Variants in STPG2 observed in about 807,000 individuals in gnomAD.
STPG2 encodes the protein sperm-tail PG-rich repeat-containing protein 2.
In STPG2, 56 loss-of-function variants were observed where a neutral mutation model predicts 54.2. The ratio of observed to expected loss-of-function variants is 1.03; its 90% confidence interval spans 0.83 to 1.29. The LOEUF (loss-of-function observed/expected upper bound fraction) is 1.29, where lower values mean the gene tolerates loss of function less well. Among genes scored for constraint, STPG2 ranks in the 50% most tolerant of loss-of-function variants. STPG2 has a pLI of 0.00. For missense variants in STPG2, 596 were observed against 544.9 expected, an observed-to-expected ratio of 1.09 and a Z score of -0.93; for synonymous variants, 200 against 181.8, an observed-to-expected ratio of 1.10 and a Z score of -0.81.
intron 4 of STPG2, among the ~76,000 whole-genome samples, chr4:97,507,803 T>TC (rs1730884554): frequency 6.6e-6 from 1 of 151,978 alleles, no homozygotes; most frequent in Non-Finnish European, 1.5e-5. Flanking sequence ...TTCCATGCCT[T>TC]CCCCACAAAG....
At chr4:97,617,667 TAC>T (rs1363173940) in intron 10 of STPG2, among the ~76,000 whole-genome samples, 3 of 152,140 alleles carry the variant, frequency 2.0e-5, no homozygotes, top group Admixed American at 6.5e-5. Flanking sequence ...GCTAGTAAGA[TAC>T]ACAGACTATT....
At chr4:97,722,000 T>G (rs1724464103) in intron 9 of STPG2, among the ~76,000 whole-genome samples, 1 of 151,916 alleles carries the variant, frequency 6.6e-6, no homozygotes, top group Admixed American at 6.6e-5. Flanking sequence ...CTACAAAAAT[T>G]TTTTATTAAG....
At chr4:97,883,200 T>C (rs1483212647) in intron 8 of STPG2, among the ~76,000 whole-genome samples, 1 of 151,308 alleles carries the variant, frequency 6.6e-6, no homozygotes, top group Non-Finnish European at 1.5e-5. Context: ...TATATAAATA[T>C]ACATATACAC....
chr4:97,743,981 T>C (rs1025598386), intron 9 of STPG2, among the ~76,000 whole-genome samples: 1 of 151,346 alleles, frequency 6.6e-6, no homozygotes, highest in Non-Finnish European at 1.5e-5. Context: ...ACAGAGGGAA[T>C]GAAGAATAAA....
chr4:97,825,329 A>G (rs1393793639), intron 9 of STPG2, among the ~76,000 whole-genome samples: 1 of 152,200 alleles, frequency 6.6e-6, no homozygotes, highest in Non-Finnish European at 1.5e-5. Flanking sequence ...GTGTGTAATA[A>G]CTAGGTAGGA....
chr4:97,573,080 A>T (rs906255008), intron 10 of STPG2, among the ~76,000 whole-genome samples: 7 of 152,076 alleles, frequency 4.6e-5, no homozygotes, highest in Admixed American at 2.0e-4. Flanking sequence ...AATGCCTCAG[A>T]CATTTTCTGA....
At chr4:98,006,564 A>T (rs1190170964) in intron 5 of STPG2, among the ~76,000 whole-genome samples, 4 of 152,128 alleles carry the variant, frequency 2.6e-5, no homozygotes, top group Non-Finnish European at 4.4e-5. Context: ...CAGGCTGGAG[A>T]TTGGAGTGTT....
intron 10 of STPG2, among the ~76,000 whole-genome samples, chr4:97,634,394 A>G (rs1262110184): frequency 6.6e-6 from 1 of 152,194 alleles, no homozygotes; most frequent in African/African-American, 2.4e-5. Context: ...GATGGGGAAA[A>G]AACAGAACAG....
intron 5 of STPG2, among the ~76,000 whole-genome samples, chr4:98,021,920 T>G (rs1422175257): frequency 6.6e-6 from 1 of 152,042 alleles, no homozygotes; most frequent in Non-Finnish European, 1.5e-5. Flanking sequence ...TCTCTGCACC[T>G]GAGATGGGTT....
intron 10 of STPG2, among the ~76,000 whole-genome samples, chr4:97,559,725 T>C (rs930131859): frequency 2.0e-5 from 3 of 152,200 alleles, no homozygotes; most frequent in Non-Finnish European, 2.9e-5. Flanking sequence ...TTTTCTACTC[T>C]GGAGTTTTGA....
intron 5 of STPG2, among the ~76,000 whole-genome samples, chr4:97,991,569 G>A (rs1735018120): frequency 6.6e-6 from 1 of 151,780 alleles, no homozygotes; most frequent in Non-Finnish European, 1.5e-5. Context: ...AAACATGTGT[G>A]TGCAAGTATC....
At chr4:97,777,154 C>G (rs946576288) in intron 9 of STPG2, among the ~76,000 whole-genome samples, 2 of 152,074 alleles carry the variant, frequency 1.3e-5, no homozygotes, top group African/African-American at 4.8e-5. Context: ...ACTGAAAAAT[C>G]CATCCAAGAA....
At chr4:97,728,157 G>C (rs937810689) in intron 9 of STPG2, among the ~76,000 whole-genome samples, 18 of 151,822 alleles carry the variant, frequency 1.2e-4, no homozygotes, top group African/African-American at 3.6e-4. Context: ...GTCTATACTT[G>C]GCCACAGCTG....
intron 10 of STPG2, among the ~76,000 whole-genome samples, chr4:97,564,114 C>G (rs1393962273): frequency 6.6e-6 from 1 of 152,166 alleles, no homozygotes; most frequent in South Asian, 2.1e-4. Context: ...AATGTAGGTG[C>G]TCCTGTATTG....
In STPG2 at chr4:97,867,194, C is replaced by T. The variant is rs576228260; in HGVS notation, c.1045-26262G>A. On this transcript the variant is annotated intron_variant, in intron 8 of 10. Coordinates refer to ENST00000295268, the MANE Select transcript of STPG2 (RefSeq NM_174952.3). ...TTAGATTATATTATTTTCTCCTCAA[C>T]TGTTGATAATCTTTTATCTTTGGCT... is the stretch of plus-strand genomic sequence containing the variant. Among the ~76,000 whole-genome samples, 9 of 152,054 alleles carry T rather than the reference C, an allele frequency of 5.9e-5. No individual in the cohort carries two copies. The South Asian group carries it at 1.7e-3, about 28-fold the overall frequency.
intron 6 of STPG2, among the ~76,000 whole-genome samples, chr4:97,975,835 G>A (rs957562212): frequency 2.6e-5 from 4 of 152,112 alleles, no homozygotes; most frequent in Non-Finnish European, 5.9e-5. Context: ...AAGATAAGGG[G>A]TTTACAACTA....
chr4:97,566,535 C>T (rs531015848), intron 10 of STPG2, among the ~76,000 whole-genome samples: 9 of 152,272 alleles, frequency 5.9e-5, no homozygotes, highest in South Asian at 4.1e-4. Context: ...GCGTCGCTCA[C>T]GCTGGGAGCT....
chr4:97,511,562 A>G (rs1234721305), intron 4 of STPG2, among the ~76,000 whole-genome samples: 1 of 152,030 alleles, frequency 6.6e-6, no homozygotes, highest in Non-Finnish European at 1.5e-5. Context: ...ACAGAAATAA[A>G]CAACAACAAA....
chr4:97,613,233 G>C (rs980761855), intron 10 of STPG2, among the ~76,000 whole-genome samples: 3 of 152,038 alleles, frequency 2.0e-5, no homozygotes, highest in Non-Finnish European at 4.4e-5. Context: ...CATCTGGTCT[G>C]TCATAGTTCC....
Sources: allele counts gnomAD v4.1 joint callset (sites outside exome capture counted in the v4.1 genomes callset), GRCh38; gene constraint gnomAD v4.1.1; transcripts MANE v1.5; gene names NCBI Gene and HGNC (gene_info 2026-07-23, HGNC 2026-07-21).